The following NDST3 variants were observed in gnomAD, a reference collection of about 807,000 sequenced individuals.
NDST3 encodes bifunctional heparan sulfate N-deacetylase/N-sulfotransferase 3.
In NDST3, 58 loss-of-function variants were observed where a neutral mutation model predicts 96.1. The observed-to-expected ratio is 0.60, with a 90% CI of 0.49 to 0.75. The LOEUF (loss-of-function observed/expected upper bound fraction) is 0.75. NDST3 is among the 30% of genes least tolerant of loss of function. The probability of loss-of-function intolerance (pLI) is 0.00; values close to 1 mark genes in which losing one functional copy is unlikely to be tolerated. For synonymous variants in NDST3, 333 were observed against 359.7 expected (o/e 0.93, Z 0.84); for missense variants, 788 against 1,034.2 (o/e 0.76, Z 3.27).
intron 2 of NDST3, among the ~76,000 whole-genome samples, chr4:118,103,479 G>T (rs548657366): frequency 3.9e-4 from 59 of 152,228 alleles, no homozygotes; most frequent in African/African-American, 1.4e-3. Flanking sequence ...TACACAAAAT[G>T]TGTGTGTATT....
chr4:118,039,368 T>G (rs994647859), intron 1 of NDST3, among the ~76,000 whole-genome samples: 17 of 152,180 alleles, frequency 1.1e-4, no homozygotes, highest in African/African-American at 3.9e-4. Flanking sequence ...CTGCCCTAGT[T>G]TGTGAGTGCC....
At chr4:118,101,013 T>C (rs1729720476) in intron 2 of NDST3, among the ~76,000 whole-genome samples, 1 of 152,116 alleles carries the variant, frequency 6.6e-6, no homozygotes, top group Admixed American at 6.6e-5. Context: ...AAATATTAAC[T>C]CTAAAAGTAC....
chr4:118,229,718 A>G (rs951098856), intron 8 of NDST3, among the ~76,000 whole-genome samples: 1 of 152,210 alleles, frequency 6.6e-6, no homozygotes, highest in Non-Finnish European at 1.5e-5. Flanking sequence ...TTGATCTAAG[A>G]AAGGAATTAA....
At chr4:118,158,205 C>T (rs1005810567) in intron 6 of NDST3, among the ~76,000 whole-genome samples, 2 of 152,122 alleles carry the variant, frequency 1.3e-5, no homozygotes, top group Admixed American at 1.3e-4. Context: ...TCAGCTAGTG[C>T]TCAAATTTTA....
chr4:118,199,844 CAGA>C (rs1366627251), intron 6 of NDST3, among the ~76,000 whole-genome samples: 1 of 152,058 alleles, frequency 6.6e-6, no homozygotes, highest in Admixed American at 6.6e-5. Flanking sequence ...GGACAAGATC[CAGA>C]AGAATTATCT....
intron 6 of NDST3, among the ~76,000 whole-genome samples, chr4:118,196,208 T>G (rs548652505): frequency 6.6e-6 from 1 of 152,218 alleles, no homozygotes; most frequent in South Asian, 2.1e-4. Flanking sequence ...TTGGTCATGA[T>G]GAATGACCTT....
chr4:118,207,902 T>C (rs1738532246), intron 6 of NDST3, among the ~76,000 whole-genome samples: 1 of 144,750 alleles, frequency 6.9e-6, no homozygotes, highest in African/African-American at 2.5e-5. Flanking sequence ...GGTTCAGATT[T>C]CATAACCTCA....
chr4:118,079,109 A>G lies in NDST3; in HGVS notation c.981+24218A>G, dbSNP rs1199258416. On this transcript the variant is annotated intron_variant, in intron 2 of 13. Transcript: ENST00000296499. ...TTGGCCATTCACTCAAAAAATATTA[A>G]TTGGTGTCTACTATGTGCCAGGCAT... Among the ~76,000 whole-genome samples the G allele has an allele frequency of 1.6e-4, 24 of 152,236 alleles. 1 individual carries two copies. Among genetic ancestry groups the G allele is most frequent in the Admixed American group, 1.4e-3 (21 of 15,284 alleles).
intron 7 of NDST3, among the ~76,000 whole-genome samples, chr4:118,225,994 G>GTT (rs35573813): frequency 4.2e-5 from 6 of 142,970 alleles, no homozygotes; most frequent in Admixed American, 1.4e-4. Context: ...CTGTTTTTTT[G>GTT]TTTTTTTTTT....
intron 4 of NDST3, among the ~76,000 whole-genome samples, chr4:118,133,485 C>T (rs1429528642): frequency 6.6e-6 from 1 of 152,176 alleles, no homozygotes; most frequent in East Asian, 1.9e-4. Context: ...TCTCTCCAAC[C>T]CTCCTCAATG....
intron 12 of NDST3, among the ~76,000 whole-genome samples, chr4:118,252,433 A>T (rs958902758): frequency 6.6e-6 from 1 of 152,244 alleles, no homozygotes; most frequent in Non-Finnish European, 1.5e-5. Flanking sequence ...TGTTTACAAG[A>T]GCCAAACAGT....
chr4:118,043,634 G>C (rs1233539303), intron 1 of NDST3, among the ~76,000 whole-genome samples: 1 of 152,186 alleles, frequency 6.6e-6, no homozygotes, highest in Non-Finnish European at 1.5e-5. Flanking sequence ...CTGTAACTTT[G>C]CCTTTGCCTA....
At chr4:118,146,322 T>C (rs556204716) in intron 6 of NDST3, among the ~76,000 whole-genome samples, 1 of 152,258 alleles carries the variant, frequency 6.6e-6, no homozygotes, top group Non-Finnish European at 1.5e-5. Flanking sequence ...AGTGAGGTTA[T>C]CGTTTACTAC....
At chr4:118,138,713 T>A (rs867084862) in intron 5 of NDST3, among the ~76,000 whole-genome samples, 2 of 152,184 alleles carry the variant, frequency 1.3e-5, no homozygotes, top group Non-Finnish European at 2.9e-5. Context: ...CATTAACATA[T>A]AATAATATAG....
chr4:118,092,225 GT>G (rs11408271), intron 2 of NDST3, among the ~76,000 whole-genome samples: 19 of 146,472 alleles, frequency 1.3e-4, no homozygotes, highest in African/African-American at 2.5e-4. Context: ...TATTTTCATT[GT>G]TTTTTTTTTT....
intron 3 of NDST3, among the ~76,000 whole-genome samples, chr4:118,110,513 A>T (rs530770370): frequency 6.6e-6 from 1 of 152,326 alleles, no homozygotes; most frequent in East Asian, 1.9e-4. Flanking sequence ...AAGTGAAATG[A>T]TGTTTGTAAA....
intron 2 of NDST3, among the ~76,000 whole-genome samples, chr4:118,070,746 C>A (rs531401527): frequency 3.3e-4 from 50 of 151,728 alleles, no homozygotes; most frequent in African/African-American, 9.7e-4. Context: ...GTGCTGCACC[C>A]ATTAACTTGT....
At chr4:118,059,378 A>T (rs1560613347) in intron 2 of NDST3, among the ~76,000 whole-genome samples, 1 of 152,148 alleles carries the variant, frequency 6.6e-6, no homozygotes, top group Non-Finnish European at 1.5e-5. Context: ...CCCAGAAGAA[A>T]GGGAAGTTCT....
chr4:118,160,347 A>G (rs906395326), intron 6 of NDST3, among the ~76,000 whole-genome samples: 1 of 152,178 alleles, frequency 6.6e-6, no homozygotes, highest in African/African-American at 2.4e-5. Flanking sequence ...GCTTCTGCAC[A>G]ACAACAAAAC....
Sources: gnomAD v4.1 joint callset for allele counts (sites outside exome capture counted in the v4.1 genomes callset) on GRCh38, gnomAD v4.1.1 for gene constraint, MANE v1.5 for transcripts, NCBI Gene and HGNC (gene_info 2026-07-23, HGNC 2026-07-21) for gene names.